CDH23: variants seen among roughly 807,000 people sequenced by gnomAD.
CDH23 encodes cadherin-23.
CDH23 carries 189 observed loss-of-function variants against 317.1 expected under a neutral mutation model. That is an observed-to-expected ratio of 0.60 (90% confidence interval 0.53 to 0.67). The LOEUF is 0.67. CDH23 is among the 30% of genes least tolerant of loss of function. The pLI, the probability that CDH23 is intolerant of heterozygous loss-of-function variation, is 0.00. For missense variants in CDH23, 4,401 were observed against 4,592.4 expected (o/e 0.96, Z 1.20); for synonymous variants, 1,839 against 1,876.8 (o/e 0.98, Z 0.52).
intron 48 of CDH23, among the ~76,000 whole-genome samples, chr10:71,794,082 A>G (rs1331923220): frequency 6.6e-6 from 1 of 151,970 alleles, no homozygotes; most frequent in Non-Finnish European, 1.5e-5. Flanking sequence ...GCTCACTGCA[A>G]CCCCTGCCTC....
intron 6 of CDH23, chr10:71,511,637 G>A: frequency 6.9e-6 from 2 of 290,488 alleles, no homozygotes; most frequent in South Asian, 7.9e-5. Flanking sequence ...GCAGTTCTAG[G>A]AAGGGGCTTT....
intron 17 of CDH23, among the ~76,000 whole-genome samples, chr10:71,679,850 T>C (rs2132675074): frequency 6.6e-6 from 1 of 152,340 alleles, no homozygotes; most frequent in Admixed American, 6.5e-5. Context: ...CCCTACTTTT[T>C]GGGCGGCCGT....
At chr10:71,753,061 C>G (rs1353157239) in intron 38 of CDH23, 62 of 1,581,924 alleles carry the variant, frequency 3.9e-5, no homozygotes, top group Non-Finnish European at 5.3e-5. Flanking sequence ...CATACAACAT[C>G]CCTGCCCCTG....
At chr10:71,686,770 A>G (rs1313693619) in intron 18 of CDH23, among the ~76,000 whole-genome samples, 3 of 152,128 alleles carry the variant, frequency 2.0e-5, no homozygotes, top group Admixed American at 2.0e-4. Context: ...GAAGGTCATG[A>G]GCCAAGTGGG....
At chr10:71,629,614 G>A (rs929272679) in intron 11 of CDH23, among the ~76,000 whole-genome samples, 1 of 152,232 alleles carries the variant, frequency 6.6e-6, no homozygotes, top group African/African-American at 2.4e-5. Flanking sequence ...ATCCGCTGCC[G>A]AATGGAGAAA....
intron 38 of CDH23, chr10:71,773,412 C>G: frequency 6.2e-7 from 1 of 1,607,526 alleles, no homozygotes; most frequent in East Asian, 2.2e-5. Context: ...CGCCAGCTGC[C>G]GGCCTCCAGG....
intron 34 of CDH23, among the ~76,000 whole-genome samples, chr10:71,736,196 G>A (rs1338636789): frequency 2.0e-5 from 3 of 152,244 alleles, no homozygotes; most frequent in South Asian, 2.1e-4. Context: ...GCCCTCTTCC[G>A]GTTAGCAGGG....
intron 38 of CDH23, among the ~76,000 whole-genome samples, chr10:71,759,636 A>G (rs1840243708): frequency 6.6e-6 from 1 of 151,834 alleles, no homozygotes. Flanking sequence ...GTGAAACCCC[A>G]GCTCCACTAA....
intron 10 of CDH23, among the ~76,000 whole-genome samples, chr10:71,616,250 G>A (rs766972282): frequency 6.6e-5 from 10 of 152,250 alleles, no homozygotes; most frequent in South Asian, 2.1e-4. Flanking sequence ...GCCATCAGCC[G>A]TTGATTGAGA....
rs192553422 is a variant in CDH23 at position 71,615,324 on chromosome 10, G to A, written c.833-180G>A. ...TTCTGGGACCCGTTGCTGTCTGCCG[G>A]CTGCTCCATGGACTCCAGGGCTCTT... On this transcript the variant is annotated intron_variant, in intron 9 of 69. Coordinates refer to ENST00000224721, the MANE Select transcript of CDH23 (RefSeq NM_022124.6). Among the ~76,000 whole-genome samples the A allele has an allele frequency of 1.4e-4, 22 of 152,284 alleles. No homozygotes were observed. In the East Asian group the frequency reaches 4.1e-3, roughly 28 times the overall value.
intron 11 of CDH23, among the ~76,000 whole-genome samples, chr10:71,627,257 T>C (rs146988924): frequency 6.6e-6 from 1 of 152,284 alleles, no homozygotes; most frequent in African/African-American, 2.4e-5. Flanking sequence ...CAGGAAAATA[T>C]TTGTTGACTT....
intron 11 of CDH23, among the ~76,000 whole-genome samples, chr10:71,619,453 G>T (rs561463478): frequency 2.6e-5 from 4 of 152,180 alleles, no homozygotes; most frequent in Non-Finnish European, 5.9e-5. Context: ...CCCCTTTAGG[G>T]CAGGCACCTC....
chr10:71,638,771 T>G (rs1862393143), intron 11 of CDH23, among the ~76,000 whole-genome samples: 1 of 151,754 alleles, frequency 6.6e-6, no homozygotes, highest in African/African-American at 2.4e-5. Context: ...CGGAGCCGGG[T>G]CTGCTGGGAC....
chr10:71,448,226 C>T (rs1850263686), intron 3 of CDH23, among the ~76,000 whole-genome samples: 1 of 152,224 alleles, frequency 6.6e-6, no homozygotes, highest in African/African-American at 2.4e-5. Context: ...ATGGCCTGTG[C>T]TGATGGTGAC....
intron 53 of CDH23, among the ~76,000 whole-genome samples, chr10:71,802,211 G>A (rs1339701550): frequency 6.6e-6 from 1 of 152,250 alleles, no homozygotes; most frequent in Non-Finnish European, 1.5e-5. Flanking sequence ...GGGAGGCTGA[G>A]GCAGGAGAAT....
At chr10:71,614,515 C>T (rs983873633) in intron 9 of CDH23, among the ~76,000 whole-genome samples, 1 of 152,192 alleles carries the variant, frequency 6.6e-6, no homozygotes, top group Non-Finnish European at 1.5e-5. Flanking sequence ...CCAGCGTTGG[C>T]CAGGTACCTT....
intron 47 of CDH23, 142 bp downstream of exon 47, chr10:71,791,477 A>T (rs1841249703): frequency 3.0e-6 from 2 of 670,124 alleles, no homozygotes; most frequent in Admixed American, 5.0e-5. Flanking sequence ...CACACTGGAG[A>T]GGGAGTCAGG....
intron 6 of CDH23, among the ~76,000 whole-genome samples, chr10:71,518,232 T>A (rs570639594): frequency 6.6e-6 from 1 of 152,320 alleles, no homozygotes; most frequent in East Asian, 1.9e-4. Flanking sequence ...TTCACTGACT[T>A]CTCCAAGTTC....
chr10:71,685,481 C>T (rs1365562374), intron 18 of CDH23, among the ~76,000 whole-genome samples: 2 of 152,132 alleles, frequency 1.3e-5, no homozygotes, highest in Non-Finnish European at 2.9e-5. Flanking sequence ...TTTGTCCCTG[C>T]AAATAAAAGT....
Sources: gnomAD v4.1 joint callset for allele counts (sites outside exome capture counted in the v4.1 genomes callset) on GRCh38, gnomAD v4.1.1 for gene constraint, MANE v1.5 for transcripts, NCBI Gene and HGNC (gene_info 2026-07-23, HGNC 2026-07-21) for gene names.